Variants in TNRC18 observed in about 807,000 individuals in gnomAD.
TNRC18 encodes trinucleotide repeat containing 18.
A neutral mutation model predicts 226.7 loss-of-function variants in TNRC18; 69 were observed. The observed-to-expected ratio is 0.30, with a 90% CI of 0.25 to 0.37. The LOEUF (loss-of-function observed/expected upper bound fraction) is 0.37. Among genes scored for constraint, TNRC18 ranks in the 10% least tolerant of loss-of-function variants. The pLI is 1.00. For synonymous variants in TNRC18, 2,449 were observed against 1,927.6 expected, an observed-to-expected ratio of 1.27 and a Z score of -7.09; for missense variants, 4,754 against 4,256.6, an observed-to-expected ratio of 1.12 and a Z score of -3.25.
rs558754519 is a variant in TNRC18, at chr7:5,341,293, C to T, written c.5719+4269G>A. Among the ~76,000 whole-genome samples, 106 of 151,510 alleles carry T rather than the reference C, an allele frequency of 7.0e-4. 1 individual carries two copies. Among genetic ancestry groups the T allele is most frequent in the African/African-American group, 2.3e-3 (96 of 41,314 alleles). On this transcript the variant is annotated intron_variant, in intron 18 of 29. Coordinates refer to ENST00000430969, the MANE Select transcript of TNRC18 (RefSeq NM_001080495.3). Reference sequence around the variant, plus strand: ...AATTAGCCAGGCATGGTGGCGGGCACCTGTAGTCTCACCTACTCGGGAGGC... The same window carrying T: ...AATTAGCCAGGCATGGTGGCGGGCATCTGTAGTCTCACCTACTCGGGAGGC...
chr7:5,361,011 C>T (rs1401079506), intron 14 of TNRC18, among the ~76,000 whole-genome samples: 5 of 152,278 alleles, frequency 3.3e-5, no homozygotes, highest in East Asian at 1.9e-4. Flanking sequence ...CTACAGACAC[C>T]GAGGGAAGGA....
rs1396890675 is a variant in TNRC18, at chr7:5,307,229, C to A, written c.*877G>T. Reference sequence around the variant, plus strand: ...AATGTTTTTTTTTATAATTTCATAGCTATTTTTCACAGTTTTAAAAAGTTT... The same window carrying A: ...AATGTTTTTTTTTATAATTTCATAGATATTTTTCACAGTTTTAAAAAGTTT... On this transcript the variant is annotated 3_prime_UTR_variant, in exon 30 of 30. Transcript: ENST00000430969. The A allele has an allele frequency of 6.7e-6, 1 of 149,288 alleles. No homozygotes were observed. Among genetic ancestry groups the A allele is most frequent in the African/African-American group, 2.5e-5 (1 of 40,784 alleles). The allele number at this position is 149,288 out of a possible 1,614,324, so 9.2% of individuals were successfully genotyped here.
chr7:5,356,755 C>T (rs564065758), intron 16 of TNRC18, among the ~76,000 whole-genome samples, 161 bp downstream of exon 16: 2 of 151,214 alleles, frequency 1.3e-5, no homozygotes, highest in East Asian at 3.9e-4. Context: ...CCACTTCCGG[C>T]TTGGAGGCCA....
At chr7:5,412,871 C>T (rs564055999) in intron 2 of TNRC18, among the ~76,000 whole-genome samples, 19 of 152,304 alleles carry the variant, frequency 1.2e-4, no homozygotes, top group South Asian at 4.1e-4. Flanking sequence ...GGTTTCCCCC[C>T]AGGCTGAGGG....
At chr7:5,399,111 C>G (rs1294461834) in intron 2 of TNRC18, among the ~76,000 whole-genome samples, 1 of 152,108 alleles carries the variant, frequency 6.6e-6, no homozygotes, top group Non-Finnish European at 1.5e-5. Context: ...CCCCACAGTG[C>G]CCCCCTGCCC....
intron 2 of TNRC18, among the ~76,000 whole-genome samples, chr7:5,398,870 T>C (rs1025259041): frequency 5.9e-5 from 9 of 151,606 alleles, no homozygotes; most frequent in Non-Finnish European, 1.2e-4. Flanking sequence ...GCGATCCTCC[T>C]GCCTTGGCCT....
At position 5,325,120 on chromosome 7, in the gene TNRC18, G is replaced by A; in HGVS notation, c.6276C>T (p.Ala2092=). ...LTAAKRSKAK[A]KGKEVKKENR... ...CCTCCTTCTTCACCTCCTTCCCTTTGGCCTTGGCTTTGCTCCTTTTGGCAG... is the reference window on the plus strand; with the variant it reads ...CCTCCTTCTTCACCTCCTTCCCTTTAGCCTTGGCTTTGCTCCTTTTGGCAG... Residue 2092 remains alanine (A), a synonymous_variant, in exon 20 of 30, where the codon GCC becomes GCT. Coordinates refer to ENST00000430969, the MANE Select transcript of TNRC18 (RefSeq NM_001080495.3). The A allele has an allele frequency of 1.3e-6, 2 of 1,550,424 alleles. No individual in the cohort carries two copies. Among genetic ancestry groups the A allele is most frequent in the Non-Finnish European group, 1.7e-6 (2 of 1,147,232 alleles).
At chr7:5,402,915 G>T (rs971559892) in intron 2 of TNRC18, among the ~76,000 whole-genome samples, 1 of 151,902 alleles carries the variant, frequency 6.6e-6, no homozygotes, top group African/African-American at 2.4e-5. Flanking sequence ...GCTGGAGGAA[G>T]GGTGCCCAGG....
At chr7:5,400,408 T>C (rs1781002435) in intron 2 of TNRC18, among the ~76,000 whole-genome samples, 1 of 151,888 alleles carries the variant, frequency 6.6e-6, no homozygotes, top group Non-Finnish European at 1.5e-5. Flanking sequence ...TCAGGGGTTC[T>C]AGACCAGCCT....
chr7:5,409,743 G>A (rs1388953830), intron 2 of TNRC18, among the ~76,000 whole-genome samples: 3 of 150,274 alleles, frequency 2.0e-5, no homozygotes, highest in Admixed American at 6.6e-5. Flanking sequence ...TTGGGAGGCC[G>A]AGGCGGGTGG....
rs761222392 is a variant in TNRC18 at position 5,308,289 on chromosome 7, A to G, written c.8724T>C (p.His2908=). 1.1e-5 allele frequency: 18 copies of G among 1,612,616 alleles called. No individual in the cohort carries two copies. Among genetic ancestry groups the G allele is most frequent in the Non-Finnish European group, 1.4e-5 (17 of 1,179,400 alleles). ...CCGTCTGCACGTCATTTTCGTCCAC[A>G]TGCGAGGACTGGTATAGCGCGCGCT... is the stretch of plus-strand genomic sequence containing the variant. ...FMERALYQSS[H]VDENDVQTVS... The change falls in exon 30 of 30, where the codon CAT becomes CAC. Residue 2908 remains histidine (H), a synonymous_variant. Transcript: ENST00000430969.
chr7:5,307,584 G>A lies in TNRC18; in HGVS notation c.*522C>T, dbSNP rs1163506502. 2 of 447,786 alleles carry A rather than the reference G, an allele frequency of 4.5e-6. No homozygotes were observed. The highest frequency in any genetic ancestry group is 3.2e-5 in the South Asian group (2 of 63,176). The allele number at this position is 447,786 out of a possible 1,614,324, so 27.7% of individuals were successfully genotyped here. On this transcript the variant is annotated 3_prime_UTR_variant, in exon 30 of 30. Transcript: ENST00000430969. ...GCCATCCTGAGAGGGTGGGGGCAGGGCCCCTGGCACAGTCAGGTAGGCCAG... is the reference window on the plus strand; with the variant it reads ...GCCATCCTGAGAGGGTGGGGGCAGGACCCCTGGCACAGTCAGGTAGGCCAG...
intron 5 of TNRC18, among the ~76,000 whole-genome samples, chr7:5,383,957 ATTTTTTTT>A (rs765430615): frequency 1.3e-5 from 1 of 78,794 alleles, no homozygotes; most frequent in Non-Finnish European, 2.2e-5. Flanking sequence ...TACCCGGGTG[ATTTTTTTT>A]TTTTTTTTTT....
intron 18 of TNRC18, among the ~76,000 whole-genome samples, chr7:5,341,469 C>T (rs1441553758): frequency 6.8e-6 from 1 of 146,858 alleles, no homozygotes; most frequent in Non-Finnish European, 1.5e-5. Context: ...ACTACTCTAT[C>T]AATGGAACAG....
Position 5,377,016 on chromosome 7 carries a change from G to C in TNRC18, c.2462-23C>G. 1 of 1,561,350 alleles carries C rather than the reference G, an allele frequency of 6.4e-7. No homozygotes were observed. Among genetic ancestry groups the C allele is most frequent in the East Asian group, 2.4e-5 (1 of 42,014 alleles). On this transcript the variant is annotated intron_variant, in intron 7 of 29. Transcript: ENST00000430969. This position sits in a 1 kb window ranked among gnomAD's most constrained non-coding sequence, Gnocchi z 5.8. ...AGCCTAGGAGGAGAAGCCCAGGCCT[G>C]AGTCAGTGCTGGGAGCCCCCAAGCG...
At position 5,394,450 on chromosome 7, in the gene TNRC18, G is replaced by A. The variant is rs373753964; in HGVS notation, c.333C>T (p.His111=). ...NLPMVQLWAA[H]AHEGFSHLPS... ...CGGCATGTTCCTTACCTTCATGGGC[G>A]TGGGCGGCCCACAGCTGCACCATGG... Residue 111 remains histidine, a synonymous_variant, in exon 3 of 30, where the codon CAC becomes CAT. Transcript: ENST00000430969. The surrounding 1 kb of genome is among the most constrained non-coding windows in gnomAD (Gnocchi z 4.5). 47 of 1,545,252 alleles carry A rather than the reference G, an allele frequency of 3.0e-5. No individual in the cohort carries two copies. The highest frequency in any genetic ancestry group is 1.1e-4 in the African/African-American group (8 of 72,254).
chr7:5,388,366 T>TGCAGGACCG lies in TNRC18; in HGVS notation c.1449_1457dup (p.Gly484_Ala486dup), dbSNP rs1422176360. 6.4e-6 allele frequency: 10 copies of TGCAGGACCG among 1,562,282 alleles called. No individual in the cohort carries two copies. The highest frequency in any genetic ancestry group is 7.8e-6 in the Non-Finnish European group (9 of 1,157,828). On this transcript the variant is annotated inframe_insertion, in exon 5 of 30. Coordinates refer to ENST00000430969, the MANE Select transcript of TNRC18 (RefSeq NM_001080495.3). The stretch of plus-strand genomic sequence containing the variant: ...CGAAGAGCTTGGCGGCCTGTTGGGC[T>TGCAGGACCG]GCAGGACCGGCTGGGCCGCGGGGCG...
chr7:5,402,484 G>C (rs1250092192), intron 2 of TNRC18, among the ~76,000 whole-genome samples: 3 of 151,894 alleles, frequency 2.0e-5, no homozygotes, highest in East Asian at 1.9e-4. Context: ...GCAGTGAGCC[G>C]AGATCGCGCC....
intron 17 of TNRC18, among the ~76,000 whole-genome samples, chr7:5,349,663 C>T (rs1791577271): frequency 6.6e-6 from 1 of 152,218 alleles, no homozygotes; most frequent in South Asian, 2.1e-4. Flanking sequence ...GCCCTACTCC[C>T]AGCCTTCGCT....
Sources: allele counts gnomAD v4.1 joint callset (sites outside exome capture counted in the v4.1 genomes callset), GRCh38; gene constraint gnomAD v4.1.1; non-coding constraint Gnocchi (gnomAD v3.1); transcripts MANE v1.5; gene names NCBI Gene and HGNC (gene_info 2026-07-23, HGNC 2026-07-21).